JADE3: variants seen among roughly 807,000 people sequenced by gnomAD.
JADE3 encodes the protein protein Jade-3.
Under a neutral mutation model 50.1 loss-of-function variants are expected in JADE3, and 2 were observed. That is an observed-to-expected ratio of 0.04 (90% CI 0.02 to 0.13). The LOEUF is 0.13. JADE3 is among the 10% of genes least tolerant of loss of function. JADE3 has a pLI of 1.00. For missense variants in JADE3, 475 were observed against 634.4 expected (o/e 0.75, Z 2.70); for synonymous variants, 218 against 232.9 (o/e 0.94, Z 0.58).
intron 4 of JADE3, among the ~76,000 whole-genome samples, chrX:46,999,607 A>AT (rs1465279618): frequency 9.2e-6 from 1 of 109,018 alleles, no homozygotes; most frequent in Non-Finnish European, 1.9e-5. Flanking sequence ...ATAAAAGGGG[A>AT]TTACTGAATG....
chrX:47,007,359 A>G (rs1203154519), intron 4 of JADE3, among the ~76,000 whole-genome samples: 1 of 111,337 alleles, frequency 9.0e-6, no homozygotes, highest in Non-Finnish European at 1.9e-5. Flanking sequence ...TGGTTCTATC[A>G]ATTATTGAGA....
intron 1 of JADE3, among the ~76,000 whole-genome samples, chrX:46,918,054 C>T (rs1040362628): frequency 9.0e-6 from 1 of 110,825 alleles, no homozygotes; most frequent in Non-Finnish European, 1.9e-5. Context: ...CAGTTTTTAT[C>T]GACTGCCATT....
chrX:47,045,057 A>G (rs1929343315), intron 8 of JADE3, among the ~76,000 whole-genome samples: 1 of 111,786 alleles, frequency 8.9e-6, no homozygotes, highest in Non-Finnish European at 1.9e-5. Context: ...GAAAACAAAT[A>G]AAATGGCAGG....
intron 1 of JADE3, among the ~76,000 whole-genome samples, chrX:46,930,618 G>A (rs1926469265): frequency 9.0e-6 from 1 of 111,672 alleles, no homozygotes. Context: ...TCCTCTCTTT[G>A]CTTAATAGAC....
At chrX:46,927,210 A>G (rs1926388208) in intron 1 of JADE3, among the ~76,000 whole-genome samples, 1 of 112,173 alleles carries the variant, frequency 8.9e-6, no homozygotes, top group Non-Finnish European at 1.9e-5. Flanking sequence ...GAAGTTAACC[A>G]CTGGTATTGT....
intron 3 of JADE3, among the ~76,000 whole-genome samples, chrX:46,991,448 G>A (rs781943131): frequency 9.0e-6 from 1 of 110,638 alleles, no homozygotes; most frequent in African/African-American, 3.3e-5. Flanking sequence ...TTGTTTATCC[G>A]TTCATCAGTT....
chrX:46,919,402 A>T (rs146109940), intron 1 of JADE3, among the ~76,000 whole-genome samples: 1 of 112,242 alleles, frequency 8.9e-6, no homozygotes, highest in East Asian at 2.8e-4. Flanking sequence ...GAACCTTTAT[A>T]TGATTTATAA....
intron 1 of JADE3, among the ~76,000 whole-genome samples, chrX:46,976,671 A>G (rs1160151852): frequency 8.9e-6 from 1 of 112,093 alleles, no homozygotes; most frequent in Non-Finnish European, 1.9e-5. Context: ...GATATATCAC[A>G]GTTACTCCAG....
At chrX:46,917,795 G>T (rs1926119809) in intron 1 of JADE3, among the ~76,000 whole-genome samples, 2 of 18,239 alleles carry the variant, frequency 1.1e-4, no homozygotes, top group Admixed American at 8.5e-4. Flanking sequence ...CTAATGGGAG[G>T]TCTGTCTCTC....
At chrX:46,963,395 T>C (rs1556348257) in intron 1 of JADE3, among the ~76,000 whole-genome samples, 1 of 112,126 alleles carries the variant, frequency 8.9e-6, no homozygotes, top group Non-Finnish European at 1.9e-5. Flanking sequence ...GTACCCAAAG[T>C]GATTTAGTGT....
At chrX:46,939,145 A>G (rs868970071) in intron 1 of JADE3, among the ~76,000 whole-genome samples, 42 of 112,373 alleles carry the variant, frequency 3.7e-4, no homozygotes, top group African/African-American at 1.3e-3. Context: ...ATGGTTTCTG[A>G]TTAAAAATCC....
chrX:46,924,265 C>T (rs938938429), intron 1 of JADE3, among the ~76,000 whole-genome samples: 4 of 111,538 alleles, frequency 3.6e-5, no homozygotes, highest in African/African-American at 6.5e-5. Context: ...AGTGTAGCAA[C>T]CTCTTACAAG....
intron 7 of JADE3, among the ~76,000 whole-genome samples, chrX:47,038,319 G>A (rs1929177920): frequency 9.0e-6 from 1 of 110,849 alleles, no homozygotes; most frequent in African/African-American, 3.3e-5. Context: ...CCCAACAGTG[G>A]GATTGCTGGA....
rs180981135 is a variant in JADE3, at chrX:46,935,869, C to T, written c.-12+23150C>T. Among the ~76,000 whole-genome samples, 19 of 83,279 alleles carry T rather than the reference C, an allele frequency of 2.3e-4. 1 individual carries two copies. Among genetic ancestry groups the T allele is most frequent in the Middle Eastern group, 0.012 (1 of 83 alleles). 72.3% of individuals were successfully genotyped at this position (83,279 alleles called of 115,157 possible). On this transcript the variant is annotated intron_variant, in intron 1 of 10. Transcript: ENST00000614628. Reference sequence around the variant, plus strand: ...TTTTTGAGGCAAGGTTTCTCTCTGTCACCCAGGCTGGAGTGCAGTGGCGTG... The same window carrying T: ...TTTTTGAGGCAAGGTTTCTCTCTGTTACCCAGGCTGGAGTGCAGTGGCGTG...
chrX:46,981,478 A>G (rs782249162), intron 1 of JADE3, among the ~76,000 whole-genome samples: 10 of 111,872 alleles, frequency 8.9e-5, no homozygotes, highest in Non-Finnish European at 1.3e-4. Flanking sequence ...ACTACTTTTT[A>G]ATAGGAAGTG....
At chrX:46,967,717 T>A (rs1927397759) in intron 1 of JADE3, among the ~76,000 whole-genome samples, 1 of 112,322 alleles carries the variant, frequency 8.9e-6, no homozygotes, top group South Asian at 3.7e-4. Context: ...CAGAAAGCCA[T>A]ATTTTAGTCA....
At position 47,060,572 on chromosome X, in the gene JADE3, G is replaced by C. The variant is rs184156684; in HGVS notation, c.*1495G>C. On this transcript the variant is annotated 3_prime_UTR_variant, in exon 11 of 11. Coordinates refer to ENST00000614628, the MANE Select transcript of JADE3 (RefSeq NM_014735.5). ...TGTAACGTTGTTAATGGGTTCCTTT[G>C]CTTTTTGCTTTCTCCTTTTCTGAAA... 4 of 111,601 alleles carry C rather than the reference G, an allele frequency of 3.6e-5. No homozygotes were observed. The Admixed American group carries it at 3.8e-4, about 11-fold the overall frequency. The allele number at this position is 111,601 out of a possible 1,213,427, so 9.2% of individuals were successfully genotyped here.
At chrX:46,934,266 G>A (rs1428854309) in intron 1 of JADE3, among the ~76,000 whole-genome samples, 1 of 109,962 alleles carries the variant, frequency 9.1e-6, no homozygotes, top group African/African-American at 3.3e-5. Context: ...CTCCCGAGTA[G>A]GTGGGACTAC....
At chrX:47,017,141 T>C (rs1431586756) in intron 4 of JADE3, among the ~76,000 whole-genome samples, 1 of 111,754 alleles carries the variant, frequency 8.9e-6, no homozygotes, top group African/African-American at 3.3e-5. Flanking sequence ...TCTGTTTCAC[T>C]GTCCTTTCTG....
Sources: allele counts gnomAD v4.1 joint callset (sites outside exome capture counted in the v4.1 genomes callset), GRCh38; gene constraint gnomAD v4.1.1; transcripts MANE v1.5; gene names NCBI Gene and HGNC (gene_info 2026-07-23, HGNC 2026-07-21).